The following DYNLT1 variants were observed in gnomAD, a reference collection of about 807,000 sequenced individuals.
DYNLT1 encodes dynein light chain Tctex-type 1.
In DYNLT1, 18 loss-of-function variants were observed where a neutral mutation model predicts 19.6. The ratio of observed to expected loss-of-function variants is 0.92; its 90% CI spans 0.64 to 1.36. DYNLT1 has a LOEUF of 1.36. DYNLT1 is among the 40% of genes most tolerant of loss of function. DYNLT1 has a pLI of 0.00. For missense variants in DYNLT1, 137 were observed against 139.3 expected (o/e 0.98, Z 0.08); for synonymous variants, 56 against 44.0 (o/e 1.27, Z -1.07).
intron 2 of DYNLT1, among the ~76,000 whole-genome samples, chr6:158,639,338 A>G (rs757090708): frequency 6.6e-5 from 10 of 152,078 alleles, no homozygotes; most frequent in South Asian, 2.1e-4. Context: ...GTCCCGGTTT[A>G]AGAGAACAGC....
Position 158,636,587 on chromosome 6 carries a change from C to A in DYNLT1, c.*240G>T, listed in dbSNP as rs1271477086. 4.4e-6 allele frequency: 2 copies of A among 459,434 alleles called. No homozygotes were observed. The allele number at this position is 459,434 out of a possible 1,614,324, so 28.5% of individuals were successfully genotyped here. On this transcript the variant is annotated 3_prime_UTR_variant, in exon 5 of 5. Transcript: ENST00000367089. ...CACTAGCAGATTTCAGATTTTAGCACCTTTGAAATGAAATATTCAGAGTTA... is the reference window on the plus strand; with the variant it reads ...CACTAGCAGATTTCAGATTTTAGCAACTTTGAAATGAAATATTCAGAGTTA...
chr6:158,642,509 C>T (rs1044850771), intron 1 of DYNLT1: 1 of 152,262 alleles, frequency 6.6e-6, no homozygotes, highest in Non-Finnish European at 1.5e-5. Context: ...AGAACCCTGA[C>T]TTGGCAGTGA....
At position 158,636,841 on chromosome 6, in the gene DYNLT1, C is replaced by T. The variant is rs979162647; in HGVS notation, c.328G>A (p.Gly110Arg). ...KTMYCIVSAF[G>R]LSI ...TGGACTGCAGGTCAAATAGACAGTC[C>T]GAAGGCACTGACGATGCAGTACATG... The change falls in exon 5 of 5, where the codon GGA (glycine) becomes AGA (arginine). Residue 110 changes from glycine (G) to arginine (R), a missense_variant. Coordinates refer to ENST00000367089, the MANE Select transcript of DYNLT1 (RefSeq NM_006519.4). 30 of 1,611,532 alleles carry T rather than the reference C, an allele frequency of 1.9e-5. No individual in the cohort carries two copies. Among genetic ancestry groups the T allele is most frequent in the East Asian group, 8.9e-5 (4 of 44,858 alleles).
rs770143300 is a variant in DYNLT1 at position 158,637,727 on chromosome 6, T to TA, written c.193+43dup. 5 of 1,613,880 alleles carry TA rather than the reference T, an allele frequency of 3.1e-6. No individual in the cohort carries two copies. In the African/African-American group the frequency reaches 4.0e-5, roughly 13 times the overall value. On this transcript the variant is annotated intron_variant, in intron 3 of 4. Coordinates refer to ENST00000367089, the MANE Select transcript of DYNLT1 (RefSeq NM_006519.4). The stretch of plus-strand genomic sequence containing the variant: ...TACTGGATGCCCCTCTGATCAGTGT[T>TA]AAAAAACCATCCCGCAAATATAAAA...
intron 4 of DYNLT1, 21 bp from the exon 5 acceptor site, chr6:158,636,918 G>A: frequency 6.2e-7 from 1 of 1,612,498 alleles, no homozygotes; most frequent in South Asian, 1.1e-5. Flanking sequence ...GAAGAGAGCA[G>A]CATTTACGGC....
At chr6:158,639,090 CTGAGCTGTGCATGGTGG>C (rs1787082699) in intron 2 of DYNLT1, among the ~76,000 whole-genome samples, 1 of 152,176 alleles carries the variant, frequency 6.6e-6, no homozygotes, top group Admixed American at 6.5e-5. Flanking sequence ...GTCCAGGGAT[CTGAGCTGTGCATGGTGG>C]TGATGGACTG....
At chr6:158,641,387 T>G (rs906457104) in intron 1 of DYNLT1, 27 bp from the exon 2 acceptor site, 1 of 1,574,784 alleles carries the variant, frequency 6.4e-7, no homozygotes, top group Non-Finnish European at 8.6e-7. Flanking sequence ...TCAGTTAAGT[T>G]TGATTTATTT....
chr6:158,640,512 G>T (rs1051002608), intron 2 of DYNLT1, among the ~76,000 whole-genome samples: 1 of 151,912 alleles, frequency 6.6e-6, no homozygotes, highest in South Asian at 2.1e-4. Context: ...TCTCAGCACC[G>T]CTCCAGCCAC....
rs900732534 is a variant in DYNLT1 at position 158,638,808 on chromosome 6, G to A, written c.70-914C>T. ...CTTTATCTATGCTGTATTCTTTGGG[G>A]GTTATCTGACAATGCAAGCTCATTG... On this transcript the variant is annotated intron_variant, in intron 2 of 4. Coordinates refer to ENST00000367089, the MANE Select transcript of DYNLT1 (RefSeq NM_006519.4). Among the ~76,000 whole-genome samples the A allele has an allele frequency of 2.0e-5, 3 of 152,024 alleles. No individual in the cohort carries two copies. The East Asian group carries it at 5.8e-4, about 29-fold the overall frequency.
At chr6:158,639,458 G>T (rs73016244) in intron 2 of DYNLT1, among the ~76,000 whole-genome samples, 1 of 151,936 alleles carries the variant, frequency 6.6e-6, no homozygotes, top group Non-Finnish European at 1.5e-5. Flanking sequence ...CTCTCCCTCC[G>T]CCAGCTCTCC....
At chr6:158,641,987 T>C (rs1041044434) in intron 1 of DYNLT1, 1 of 152,358 alleles carries the variant, frequency 6.6e-6, no homozygotes, top group African/African-American at 2.4e-5. Context: ...CTTAATGAGT[T>C]GGTTGATTTT....
rs532635061 is a variant in DYNLT1, at chr6:158,637,317, G to A, written c.194-112C>T. 1.4e-4 allele frequency: 128 copies of A among 941,242 alleles called. No individual in the cohort carries two copies. In the African/African-American group the frequency reaches 2.0e-3, roughly 15 times the overall value. 58.3% of individuals were successfully genotyped at this position (941,242 alleles called of 1,614,324 possible). A position where few individuals can be genotyped will look rare whatever the true frequency, so the allele number is the denominator to read the frequency against. On this transcript the variant is annotated intron_variant, in intron 3 of 4. Coordinates refer to ENST00000367089, the MANE Select transcript of DYNLT1 (RefSeq NM_006519.4). The stretch of plus-strand genomic sequence containing the variant: ...GTAGCTCCACGTGGTTGATGTTCTC[G>A]ATAAAAATTATAGGGACAGATTGCC...
Position 158,637,185 on chromosome 6 carries a change from T to C in DYNLT1, c.214A>G (p.Lys72Glu). ...KYIVTCVIMQ[K>E]NGAGLHTASS... ...GCTGTGTGTAATCCAGCTCCATTCT[T>C]CTGCATAATTACACAGGTCACTTAA... Residue 72 changes from lysine (K) to glutamate (E), a missense_variant, in exon 4 of 5, where the codon AAG becomes GAG. Transcript: ENST00000367089. 6.2e-7 allele frequency: 1 copy of C among 1,614,226 alleles called. No individual in the cohort carries two copies. Among genetic ancestry groups the C allele is most frequent in the Non-Finnish European group, 8.5e-7 (1 of 1,180,038 alleles).
Position 158,641,305 on chromosome 6 carries a change from A to G in DYNLT1, c.69+14T>C. 6 of 1,586,258 alleles carry G rather than the reference A, an allele frequency of 3.8e-6. No individual in the cohort carries two copies. The highest frequency in any genetic ancestry group is 4.3e-6 in the Non-Finnish European group (5 of 1,170,616). On this transcript the variant is annotated intron_variant, in intron 2 of 4. Transcript: ENST00000367089. ...GCCATTAAACATTTAAGAAGTGAGC[A>G]TTTCTCCTCTTACCTCTTTTACAAT... is the stretch of plus-strand genomic sequence containing the variant.
chr6:158,641,377 TCA>T lies in DYNLT1; in HGVS notation c.28-19_28-18del, dbSNP rs756889372. 19 of 1,582,928 alleles carry T rather than the reference TCA, an allele frequency of 1.2e-5. No individual in the cohort carries two copies. In the Middle Eastern group the frequency reaches 6.7e-4, roughly 56 times the overall value. On this transcript the variant is annotated intron_variant, in intron 1 of 4. Coordinates refer to ENST00000367089, the MANE Select transcript of DYNLT1 (RefSeq NM_006519.4). ...AAAAGCAGTCTGTAAGGAAGAACAT[TCA>T]GTTAAGTTTGATTTATTTAAAAGAT... is the stretch of plus-strand genomic sequence containing the variant.
Position 158,637,666 on chromosome 6 carries a change from T to C in DYNLT1, c.193+105A>G, listed in dbSNP as rs768466716. On this transcript the variant is annotated intron_variant, in intron 3 of 4. Transcript: ENST00000367089. Reference sequence around the variant, plus strand: ...ACACGACCGACTCCCACCAGGAGCCTTCCTTGAGTTGAGCCACGTTAGCTG... The same window carrying C: ...ACACGACCGACTCCCACCAGGAGCCCTCCTTGAGTTGAGCCACGTTAGCTG... 1.9e-6 allele frequency: 3 copies of C among 1,585,206 alleles called. No homozygotes were observed. The Admixed American group carries it at 5.0e-5, about 27-fold the overall frequency.
chr6:158,642,867 A>G (rs1787166527), intron 1 of DYNLT1: 1 of 152,220 alleles, frequency 6.6e-6, no homozygotes, highest in African/African-American at 2.4e-5. Flanking sequence ...AACGTCTCCA[A>G]GAAAGATGAA....
intron 1 of DYNLT1, among the ~76,000 whole-genome samples, chr6:158,643,258 AAC>A (rs1787191524): frequency 6.6e-6 from 1 of 152,228 alleles, no homozygotes; most frequent in South Asian, 2.1e-4. Flanking sequence ...TTATATTAGT[AAC>A]AGTTTAAGGG....
intron 3 of DYNLT1, 77 bp downstream of exon 3, chr6:158,637,694 G>A: frequency 6.2e-7 from 1 of 1,611,810 alleles, no homozygotes; most frequent in Non-Finnish European, 8.5e-7. Flanking sequence ...GTTAGCTGTT[G>A]TTTCTGGTAC....
Sources: gnomAD v4.1 joint callset for allele counts (sites outside exome capture counted in the v4.1 genomes callset) on GRCh38, gnomAD v4.1.1 for gene constraint, MANE v1.5 for transcripts, NCBI Gene and HGNC (gene_info 2026-07-23, HGNC 2026-07-21) for gene names.